FUT8: variants seen among roughly 807,000 people sequenced by gnomAD.
FUT8 encodes the protein alpha-(1,6)-fucosyltransferase.
Under a neutral mutation model 71.3 loss-of-function variants are expected in FUT8, and 29 were observed. That is an observed-to-expected ratio of 0.41 (90% CI 0.30 to 0.55). The LOEUF (loss-of-function observed/expected upper bound fraction) is 0.55. Among genes scored for constraint, FUT8 ranks in the 20% least tolerant of loss-of-function variants. The pLI is 0.34. For missense variants in FUT8, 544 were observed against 702.1 expected, an observed-to-expected ratio of 0.77 and a Z score of 2.55; for synonymous variants, 254 against 239.3, an observed-to-expected ratio of 1.06 and a Z score of -0.57.
intron 2 of FUT8, among the ~76,000 whole-genome samples, chr14:65,517,640 A>C (rs1362348625): frequency 6.6e-6 from 1 of 152,180 alleles, no homozygotes; most frequent in East Asian, 1.9e-4. Context: ...TTAGATCATG[A>C]CATATCTTTA....
chr14:65,511,154 T>G (rs1882314318), intron 2 of FUT8, among the ~76,000 whole-genome samples: 1 of 152,154 alleles, frequency 6.6e-6, no homozygotes, highest in Non-Finnish European at 1.5e-5. Context: ...TCTTAATTTC[T>G]TCATTGACCC....
At chr14:65,692,315 G>A (rs1428418447) in intron 7 of FUT8, among the ~76,000 whole-genome samples, 89 of 151,110 alleles carry the variant, frequency 5.9e-4, no homozygotes, top group African/African-American at 2.0e-3. Flanking sequence ...CCAGGCAGAG[G>A]CGCCCCTCAC....
chr14:65,742,014 C>G, intron 10 of FUT8, 79 bp from the exon 11 acceptor site: 1 of 1,183,570 alleles, frequency 8.4e-7, no homozygotes, highest in Non-Finnish European at 1.2e-6. Flanking sequence ...TAGAGCCCAT[C>G]CTTTTGGCCA....
chr14:65,511,488 AT>A lies in FUT8; in HGVS notation c.-227-49848del, dbSNP rs554998086. ...AGATCTGTTCAGTGCTGAAAGTGGG[AT>A]GTTGAAATCTCCAGCTATTATTGTA... On this transcript the variant is annotated intron_variant, in intron 2 of 10. Transcript: ENST00000673929. Among the ~76,000 whole-genome samples the A allele has an allele frequency of 1.2e-3, 184 of 152,202 alleles. 1 individual carries two copies. Among genetic ancestry groups the A allele is most frequent in the African/African-American group, 4.2e-3 (174 of 41,548 alleles).
chr14:65,362,221 A>C, the FUT8 span, among the ~76,000 whole-genome samples: 1 of 152,278 alleles, frequency 6.6e-6, no homozygotes, highest in East Asian at 1.9e-4. Flanking sequence ...TTCCCTGCCA[A>C]AGCTTGAAAT....
chr14:65,408,105 C>T (rs536936769), upstream of FUT8, among the ~76,000 whole-genome samples: 20 of 152,250 alleles, frequency 1.3e-4, no homozygotes, highest in Admixed American at 9.2e-4. Context: ...AAAAATGCCC[C>T]CAAATCTCAG....
chr14:65,611,541 T>G (rs1888999670), intron 3 of FUT8, among the ~76,000 whole-genome samples: 1 of 152,092 alleles, frequency 6.6e-6, no homozygotes, highest in Admixed American at 6.5e-5. Context: ...TCTTAGTTTC[T>G]TAGGGTAGAC....
At chr14:65,566,996 A>C (rs1036238153) in intron 3 of FUT8, among the ~76,000 whole-genome samples, 1 of 151,960 alleles carries the variant, frequency 6.6e-6, no homozygotes, top group African/African-American at 2.4e-5. Flanking sequence ...AATCCCCTTG[A>C]GCAGTGAACC....
intron 7 of FUT8, among the ~76,000 whole-genome samples, chr14:65,682,000 A>T (rs1893062032): frequency 6.6e-6 from 1 of 152,174 alleles, no homozygotes; most frequent in African/African-American, 2.4e-5. Context: ...TAAAAAAAAG[A>T]TGTGACAGAG....
chr14:65,623,902 T>C (rs769031082), intron 5 of FUT8, among the ~76,000 whole-genome samples: 2 of 152,156 alleles, frequency 1.3e-5, no homozygotes, highest in Non-Finnish European at 2.9e-5. Context: ...GATATGTTCG[T>C]AGTCAAAACC....
At chr14:65,393,128 A>G in the FUT8 span, among the ~76,000 whole-genome samples, 1 of 152,266 alleles carries the variant, frequency 6.6e-6, no homozygotes, top group South Asian at 2.1e-4. Flanking sequence ...AGGGGTGAGA[A>G]CACAGCTGAG....
chr14:65,674,239 T>C (rs191817055), intron 7 of FUT8, among the ~76,000 whole-genome samples: 22 of 152,300 alleles, frequency 1.4e-4, no homozygotes, highest in Non-Finnish European at 2.1e-4. Context: ...TGATCCCTTA[T>C]GCTGCAAAAA....
the FUT8 span, among the ~76,000 whole-genome samples, chr14:65,362,751 A>G: frequency 6.6e-6 from 1 of 151,930 alleles, no homozygotes; most frequent in Non-Finnish European, 1.5e-5. Context: ...TCACAAGGTC[A>G]GGAGATCGAG....
At chr14:65,609,579 G>A (rs901171189) in intron 3 of FUT8, among the ~76,000 whole-genome samples, 9 of 151,722 alleles carry the variant, frequency 5.9e-5, no homozygotes, top group African/African-American at 1.9e-4. Context: ...GCCTATTCCC[G>A]GACTCTTTTC....
intron 6 of FUT8, among the ~76,000 whole-genome samples, chr14:65,631,534 A>G (rs182098142): frequency 6.6e-6 from 1 of 152,294 alleles, no homozygotes; most frequent in East Asian, 1.9e-4. Flanking sequence ...CTTTTAAACT[A>G]TAGCAAAACC....
chr14:65,714,930 T>G (rs1365130240), intron 7 of FUT8, among the ~76,000 whole-genome samples: 2 of 152,108 alleles, frequency 1.3e-5, no homozygotes, highest in African/African-American at 2.4e-5. Context: ...TATGTTGATT[T>G]TGTGTCCTGC....
At chr14:65,730,444 T>C (rs900754977) in intron 9 of FUT8, among the ~76,000 whole-genome samples, 3 of 152,038 alleles carry the variant, frequency 2.0e-5, no homozygotes, top group Admixed American at 2.0e-4. Flanking sequence ...GAGGCCGAGG[T>C]GGGCGGATCA....
chr14:65,448,807 A>T (rs1370802327), intron 1 of FUT8, among the ~76,000 whole-genome samples: 1 of 152,250 alleles, frequency 6.6e-6, no homozygotes, highest in Non-Finnish European at 1.5e-5. Context: ...CTTAATTCAG[A>T]CTAACTGAAA....
At chr14:65,625,824 TATC>T (rs1889868431) in intron 5 of FUT8, among the ~76,000 whole-genome samples, 1 of 152,228 alleles carries the variant, frequency 6.6e-6, no homozygotes, top group South Asian at 2.1e-4. Context: ...AAGGGGCTAT[TATC>T]ACGTATTCTC....
Sources: gnomAD v4.1 joint callset for allele counts (sites outside exome capture counted in the v4.1 genomes callset) on GRCh38, gnomAD v4.1.1 for gene constraint, MANE v1.5 for transcripts, NCBI Gene and HGNC (gene_info 2026-07-23, HGNC 2026-07-21) for gene names.